The following ATP2B2 variants were observed in gnomAD, a reference collection of about 807,000 sequenced individuals.
ATP2B2 encodes the protein plasma membrane calcium-transporting ATPase 2.
Under a neutral mutation model 120.0 loss-of-function variants are expected in ATP2B2, and 15 were observed. The observed-to-expected ratio is 0.12, with a 90% CI of 0.08 to 0.19. ATP2B2 has a LOEUF of 0.19. ATP2B2 is among the 10% of genes least tolerant of loss of function. ATP2B2 has a pLI of 1.00. For synonymous variants in ATP2B2, 694 were observed against 700.3 expected (o/e 0.99, Z 0.14); for missense variants, 1,045 against 1,719.8 (o/e 0.61, Z 6.94).
chr3:10,391,626 C>T (rs541285711), intron 5 of ATP2B2, among the ~76,000 whole-genome samples: 3 of 152,280 alleles, frequency 2.0e-5, no homozygotes, highest in South Asian at 2.1e-4. Flanking sequence ...GTGCGCTCCC[C>T]GCCCAGACCT....
intron 12 of ATP2B2, among the ~76,000 whole-genome samples, chr3:10,370,064 C>T (rs1337841101): frequency 2.6e-5 from 4 of 152,162 alleles, no homozygotes; most frequent in Admixed American, 2.0e-4. Flanking sequence ...TCAGATGGAC[C>T]GACTGACCCC....
chr3:10,556,379 T>C (rs2067779696), intron 2 of ATP2B2, among the ~76,000 whole-genome samples: 1 of 152,230 alleles, frequency 6.6e-6, no homozygotes, highest in Non-Finnish European at 1.5e-5. Flanking sequence ...TCGAGCTGTC[T>C]TTCTAGTGGT....
chr3:10,388,145 A>G (rs2061736623), intron 6 of ATP2B2, 132 bp downstream of exon 6: 1 of 1,345,988 alleles, frequency 7.4e-7, no homozygotes, highest in African/African-American at 1.4e-5. Flanking sequence ...TTAAGGATGC[A>G]GGAGGTGGCT....
At chr3:10,397,836 A>G (rs2062090728) in intron 5 of ATP2B2, among the ~76,000 whole-genome samples, 1 of 151,808 alleles carries the variant, frequency 6.6e-6, no homozygotes, top group Admixed American at 6.6e-5. Flanking sequence ...GTGACGGGGA[A>G]CTCACTCTCT....
intron 3 of ATP2B2, among the ~76,000 whole-genome samples, chr3:10,528,979 A>G (rs565247477): frequency 6.6e-6 from 1 of 152,298 alleles, no homozygotes; most frequent in Admixed American, 6.5e-5. Context: ...ACTTGGGAGG[A>G]AAAAAATGGA....
intron 1 of ATP2B2, among the ~76,000 whole-genome samples, chr3:10,651,278 C>T (rs2070453950): frequency 6.6e-6 from 1 of 152,042 alleles, no homozygotes; most frequent in Admixed American, 6.6e-5. Context: ...TGGCTGTGTC[C>T]CCACCCAAAT....
At position 10,340,016 on chromosome 3, in the gene ATP2B2, T is replaced by A. The variant is rs536223217; in HGVS notation, c.3237+226A>T. 2.6e-5 allele frequency among the ~76,000 whole-genome samples: 4 copies of A among 152,176 alleles called. No homozygotes were observed. The South Asian group carries it at 6.2e-4, about 24-fold the overall frequency. ...GACGTGATTGAGAGAAAATATTACA[T>A]AAACAACAGGAGCAGTGGTAGATAG... On this transcript the variant is annotated intron_variant, in intron 21 of 22. Transcript: ENST00000360273. The surrounding 1 kb of genome is among the most constrained non-coding windows in gnomAD (Gnocchi z 5.0).
chr3:10,568,389 G>A (rs551308774), intron 2 of ATP2B2, among the ~76,000 whole-genome samples: 1 of 152,278 alleles, frequency 6.6e-6, no homozygotes, highest in East Asian at 1.9e-4. Context: ...TAGGATCAGG[G>A]CTCATGGGTG....
chr3:10,617,547 AAGAAACGAAGG>A lies in ATP2B2; in HGVS notation c.-415+2359_-415+2369del, dbSNP rs1202572243. Among the ~76,000 whole-genome samples, 288 of 152,342 alleles carry A rather than the reference AAGAAACGAAGG, an allele frequency of 1.9e-3. 2 individuals are homozygous for A. The highest frequency in any genetic ancestry group is 6.8e-3 in the African/African-American group (281 of 41,582). On this transcript the variant is annotated intron_variant, in intron 2 of 21. Transcript: ENST00000646379. The stretch of plus-strand genomic sequence containing the variant: ...GGAGTGGACACCCATCTTACAGGTG[AAGAAACGAAGG>A]CACAAAGGGGTGGAGTCACCCACAT...
chr3:10,567,348 G>T (rs966868754), intron 2 of ATP2B2, among the ~76,000 whole-genome samples: 1 of 152,196 alleles, frequency 6.6e-6, no homozygotes, highest in African/African-American at 2.4e-5. Flanking sequence ...TTCTGTTTCT[G>T]GGATCACCAA....
At chr3:10,333,311 G>T (rs1163059575) in intron 22 of ATP2B2, among the ~76,000 whole-genome samples, 4 of 152,142 alleles carry the variant, frequency 2.6e-5, no homozygotes, top group African/African-American at 9.7e-5. Context: ...TCAGAAGGCT[G>T]GTGGGGTGCG....
intron 1 of ATP2B2, among the ~76,000 whole-genome samples, chr3:10,451,891 A>G (rs966226278): frequency 6.6e-6 from 1 of 152,224 alleles, no homozygotes; most frequent in African/African-American, 2.4e-5. Context: ...CTCCCCTGCC[A>G]TTTCTTAAGC....
In ATP2B2 at chr3:10,647,606, C is replaced by T. The variant is rs73125944; in HGVS notation, c.-459-27645G>A. ...CAAGGAGATGGCCCTGGTAAGGTTT[C>T]GGAGAATGAGGCAGGGGGCGAGCAG... On this transcript the variant is annotated intron_variant, in intron 1 of 21. Coordinates refer to the ATP2B2 transcript ENST00000646379. Among the ~76,000 whole-genome samples, 809 of 152,084 alleles carry T rather than the reference C, an allele frequency of 5.3e-3. 10 individuals carry two copies. The highest frequency in any genetic ancestry group is 0.018 in the African/African-American group (734 of 41,468).
At chr3:10,539,441 C>T (rs2067385682) in intron 2 of ATP2B2, among the ~76,000 whole-genome samples, 1 of 152,174 alleles carries the variant, frequency 6.6e-6, no homozygotes, top group Admixed American at 6.5e-5. Context: ...AAGAACAAAG[C>T]TGGAGACATC....
At chr3:10,334,905 A>G (rs761604002) in intron 22 of ATP2B2, among the ~76,000 whole-genome samples, 136 of 152,318 alleles carry the variant, frequency 8.9e-4, no homozygotes, top group Non-Finnish European at 1.6e-3. Flanking sequence ...TTCTCATCAA[A>G]GAAGCTGGAG....
intron 7 of ATP2B2, 58 bp from the exon 8 acceptor site, chr3:10,385,385 G>T (rs1038048060): frequency 1.1e-5 from 16 of 1,486,732 alleles, no homozygotes; most frequent in Non-Finnish European, 1.5e-5. Context: ...AAGCAACAAC[G>T]ACAAAGACAT....
At chr3:10,420,299 G>T (rs2062929699) in intron 2 of ATP2B2, among the ~76,000 whole-genome samples, 1 of 152,072 alleles carries the variant, frequency 6.6e-6, no homozygotes, top group African/African-American at 2.4e-5. Flanking sequence ...GGCCTCACTA[G>T]AGACTCCTTC....
chr3:10,358,613 G>C, intron 14 of ATP2B2, 78 bp downstream of exon 14: 1 of 1,378,104 alleles, frequency 7.3e-7, no homozygotes, highest in Non-Finnish European at 1.0e-6. Context: ...GAGGTGAAGT[G>C]ACTTACTCCA....
chr3:10,565,403 C>T (rs770799168), intron 2 of ATP2B2, among the ~76,000 whole-genome samples: 2 of 152,114 alleles, frequency 1.3e-5, no homozygotes, highest in Non-Finnish European at 2.9e-5. Context: ...GGCTTAGTCA[C>T]CAGGTCCTGA....
Sources: allele counts gnomAD v4.1 joint callset (sites outside exome capture counted in the v4.1 genomes callset), GRCh38; gene constraint gnomAD v4.1.1; non-coding constraint Gnocchi (gnomAD v3.1); transcripts MANE v1.5; gene names NCBI Gene and HGNC (gene_info 2026-07-23, HGNC 2026-07-21).